ESR1: variants seen among roughly 807,000 people sequenced by gnomAD.
ESR1 encodes the protein estrogen receptor 1.
In ESR1, 12 loss-of-function variants were observed where a neutral mutation model predicts 52.7. The ratio of observed to expected loss-of-function variants is 0.23; its 90% CI spans 0.15 to 0.37. ESR1 has a LOEUF of 0.37. Ranked by LOEUF, ESR1 falls within the 10% of genes least tolerant of loss-of-function variation. The pLI is 1.00. For missense variants in ESR1, 584 were observed against 779.7 expected (o/e 0.75, Z 2.99); for synonymous variants, 305 against 316.8 (o/e 0.96, Z 0.39).
At chr6:151,840,708 C>T (rs543839920) in intron 1 of ESR1, among the ~76,000 whole-genome samples, 1 of 152,132 alleles carries the variant, frequency 6.6e-6, no homozygotes, top group Non-Finnish European at 1.5e-5. Flanking sequence ...GCTTGAGCTT[C>T]CTTTGCCAAG....
At chr6:151,736,625 C>A (rs908306181) in intron 2 of ESR1, among the ~76,000 whole-genome samples, 7 of 152,058 alleles carry the variant, frequency 4.6e-5, no homozygotes, top group Non-Finnish European at 5.9e-5. Context: ...GTGATCCACC[C>A]ACCTTGGCCT....
At chr6:151,808,578 GA>G (rs1394196368) in intron 1 of ESR1, among the ~76,000 whole-genome samples, 1 of 152,108 alleles carries the variant, frequency 6.6e-6, no homozygotes, top group East Asian at 1.9e-4. Context: ...CCGGGCAGCT[GA>G]AAAAAACGTA....
chr6:151,813,508 A>G (rs1268492909), intron 1 of ESR1: 2 of 152,178 alleles, frequency 1.3e-5, no homozygotes, highest in Non-Finnish European at 2.9e-5. Context: ...CTTTAAATCT[A>G]CTTGGCTCAT....
At chr6:151,754,428 A>T (rs971039431) in intron 2 of ESR1, among the ~76,000 whole-genome samples, 7 of 152,000 alleles carry the variant, frequency 4.6e-5, no homozygotes, top group Admixed American at 1.3e-4. Flanking sequence ...ATCGGAAATG[A>T]TAAGAATTTT....
intron 3 of ESR1, among the ~76,000 whole-genome samples, chr6:151,900,601 G>A (rs1397191152): frequency 1.3e-5 from 2 of 152,192 alleles, no homozygotes; most frequent in African/African-American, 4.8e-5. Context: ...AGGGCTCAAG[G>A]CTGCTGTTCA....
At chr6:152,115,888 C>T (rs2051204266) in intron 6 of ESR1, among the ~76,000 whole-genome samples, 2 of 152,194 alleles carry the variant, frequency 1.3e-5, no homozygotes, top group South Asian at 4.1e-4. Flanking sequence ...CAATCGTCTG[C>T]ACCTGGGAAT....
intron 3 of ESR1, among the ~76,000 whole-genome samples, chr6:151,883,372 C>T (rs1793288544): frequency 6.6e-6 from 1 of 151,922 alleles, no homozygotes; most frequent in Admixed American, 6.6e-5. Context: ...AGGTGATCCG[C>T]CCACCTCGGC....
chr6:151,665,366 CT>C (rs1777783504), intron 1 of ESR1, among the ~76,000 whole-genome samples: 1 of 152,142 alleles, frequency 6.6e-6, no homozygotes, highest in African/African-American at 2.4e-5. Flanking sequence ...GTCACGACCT[CT>C]AAATCATTGT....
chr6:151,848,513 AGTTCTTTTGG>A (rs1483375693), intron 2 of ESR1, among the ~76,000 whole-genome samples: 1 of 151,380 alleles, frequency 6.6e-6, no homozygotes, highest in Non-Finnish European at 1.5e-5. Context: ...AAGAGATCTT[AGTTCTTTTGG>A]GCTTGGGGAC....
intron 2 of ESR1, among the ~76,000 whole-genome samples, chr6:151,703,973 C>A (rs1779987862): frequency 6.6e-6 from 1 of 152,176 alleles, no homozygotes; most frequent in South Asian, 2.1e-4. Context: ...GTTGGGTCAC[C>A]AGAATAATTC....
chr6:151,954,987 G>T (rs1406273030), intron 4 of ESR1, among the ~76,000 whole-genome samples: 3 of 148,776 alleles, frequency 2.0e-5, no homozygotes, highest in Non-Finnish European at 4.4e-5. Context: ...CTGGTTATGA[G>T]AGGTTTCAAA....
intron 2 of ESR1, among the ~76,000 whole-genome samples, chr6:151,786,360 A>G (rs1376804362): frequency 6.6e-6 from 1 of 152,172 alleles, no homozygotes; most frequent in Non-Finnish European, 1.5e-5. Context: ...CCCGGTTTCA[A>G]GCACGCTGCA....
At chr6:151,739,608 C>T (rs1299690602) in intron 2 of ESR1, among the ~76,000 whole-genome samples, 2 of 152,350 alleles carry the variant, frequency 1.3e-5, no homozygotes, top group Admixed American at 1.3e-4. Flanking sequence ...AAGCCTTTCT[C>T]CTTGACTGTC....
At chr6:151,819,475 C>T (rs1350230983) in intron 1 of ESR1, among the ~76,000 whole-genome samples, 1 of 152,144 alleles carries the variant, frequency 6.6e-6, no homozygotes, top group African/African-American at 2.4e-5. Context: ...TGCCTGAGCT[C>T]CGCCTCCTGT....
chr6:152,008,132 A>G (rs1257518791), intron 4 of ESR1, among the ~76,000 whole-genome samples: 1 of 152,132 alleles, frequency 6.6e-6, no homozygotes, highest in Admixed American at 6.5e-5. Context: ...GCTGTGTGGT[A>G]AAGTCGAGAC....
At position 151,881,045 on chromosome 6, in the gene ESR1, C is replaced by T. The variant is rs186584141; in HGVS notation, c.760+274C>T. ...TTTTAAATCAAAGGTGTGTGGGAGGCGGTGATGGAAGGAAACGAAGAGTGC... is the reference window on the plus strand; with the variant it reads ...TTTTAAATCAAAGGTGTGTGGGAGGTGGTGATGGAAGGAAACGAAGAGTGC... On this transcript the variant is annotated intron_variant, in intron 3 of 7. Coordinates refer to ENST00000206249, the MANE Select transcript of ESR1 (RefSeq NM_000125.4). Among the ~76,000 whole-genome samples the T allele has an allele frequency of 7.2e-5, 11 of 152,078 alleles. No individual in the cohort carries two copies. In the East Asian group the frequency reaches 1.2e-3, roughly 16 times the overall value.
At chr6:151,796,930 C>A (rs1776767119) in intron 2 of ESR1, among the ~76,000 whole-genome samples, 1 of 152,240 alleles carries the variant, frequency 6.6e-6, no homozygotes, top group South Asian at 2.1e-4. Flanking sequence ...CTTGGCCAAC[C>A]ACCTTCCTCC....
At chr6:151,805,018 T>C (rs1777645773), upstream of ESR1, 1 of 152,220 alleles carries the variant, frequency 6.6e-6, no homozygotes, top group African/African-American at 2.4e-5. Flanking sequence ...CTTTATCTTA[T>C]GTTCATATCC....
chr6:151,896,079 G>A (rs369294369), intron 3 of ESR1, among the ~76,000 whole-genome samples: 14 of 152,302 alleles, frequency 9.2e-5, no homozygotes, highest in Admixed American at 6.5e-4. Flanking sequence ...GATTACAGGC[G>A]TGAGCCACAG....
Sources: allele counts gnomAD v4.1 joint callset (sites outside exome capture counted in the v4.1 genomes callset), GRCh38; gene constraint gnomAD v4.1.1; transcripts MANE v1.5; gene names NCBI Gene and HGNC (gene_info 2026-07-23, HGNC 2026-07-21).